Variants in TLL2 observed in about 807,000 individuals in gnomAD.
TLL2 encodes tolloid-like protein 2.
TLL2 carries 106 observed loss-of-function variants against 123.0 expected under a neutral mutation model. That is an observed-to-expected ratio of 0.86 (90% CI 0.74 to 1.01). The LOEUF (loss-of-function observed/expected upper bound fraction) is 1.01. TLL2 is among the 50% of genes least tolerant of loss of function. The pLI, the probability that TLL2 is intolerant of heterozygous loss-of-function variation, is 0.00. For missense variants in TLL2, 1,332 were observed against 1,336.7 expected (o/e 1.00, Z 0.06); for synonymous variants, 494 against 516.8 (o/e 0.96, Z 0.60).
rs983254557 is a variant in TLL2, at chr10:96,395,358, A to G, written c.1555T>C (p.Tyr519His). The G allele has an allele frequency of 1.9e-6, 3 of 1,608,306 alleles. No homozygotes were observed. The highest frequency in any genetic ancestry group is 1.1e-5 in the South Asian group (1 of 90,022). ...CCATCCCGGACTTCCAGGTAGTCATATGCACAGCTGTCGTGCCTTTCAATC... is the reference window on the plus strand; with the variant it reads ...CCATCCCGGACTTCCAGGTAGTCATGTGCACAGCTGTCGTGCCTTTCAATC... Reference protein sequence around the residue: ...FEIERHDSCAYDYLEVRDGPT... With the variant: ...FEIERHDSCAHDYLEVRDGPT... Residue 519 changes from tyrosine to histidine, a missense_variant, in exon 13 of 21, where the codon TAT (tyrosine) becomes CAT (histidine). Physicochemically the swap from Tyr to His is moderately conservative, Grantham distance 83. Coordinates refer to ENST00000357947, the MANE Select transcript of TLL2 (RefSeq NM_012465.4).
rs1212781733 is a variant in TLL2, at chr10:96,367,831, A to G, written c.*257T>C. The G allele has an allele frequency of 9.6e-6, 4 of 417,100 alleles. No homozygotes were observed. Among genetic ancestry groups the G allele is most frequent in the Non-Finnish European group, 1.7e-5 (4 of 228,678 alleles). 25.8% of individuals were successfully genotyped at this position (417,100 alleles called of 1,614,324 possible). On this transcript the variant is annotated 3_prime_UTR_variant, in exon 21 of 21. Coordinates refer to ENST00000357947, the MANE Select transcript of TLL2 (RefSeq NM_012465.4). ...ATAGCCGGAATGGTCAGTGACTTCA[A>G]TCCTAATCTTTAACACTTTAACAGT...
intron 2 of TLL2, among the ~76,000 whole-genome samples, chr10:96,474,150 C>T (rs989174067): frequency 6.6e-6 from 1 of 152,184 alleles, no homozygotes; most frequent in Non-Finnish European, 1.5e-5. Context: ...ATTCTTCTCA[C>T]TGCAAATAAA....
chr10:96,448,745 G>T (rs1028185702), intron 2 of TLL2, among the ~76,000 whole-genome samples: 3 of 152,132 alleles, frequency 2.0e-5, no homozygotes, highest in Non-Finnish European at 4.4e-5. Flanking sequence ...AAGTGCAAAG[G>T]CCCTGGGGTG....
chr10:96,377,589 C>G (rs369364059), intron 17 of TLL2, among the ~76,000 whole-genome samples: 9 of 152,148 alleles, frequency 5.9e-5, no homozygotes, highest in Non-Finnish European at 1.2e-4. Context: ...AGCTGGGACT[C>G]GAACTTGGCC....
chr10:96,411,744 C>T (rs1189211754), intron 8 of TLL2, among the ~76,000 whole-genome samples: 2 of 152,184 alleles, frequency 1.3e-5, no homozygotes, highest in Admixed American at 1.3e-4. Flanking sequence ...CTCTGCATGG[C>T]GACTGACTGA....
intron 2 of TLL2, among the ~76,000 whole-genome samples, chr10:96,446,470 C>T (rs957412134): frequency 6.6e-6 from 1 of 151,098 alleles, no homozygotes; most frequent in Non-Finnish European, 1.5e-5. Context: ...TACCAGGCAA[C>T]CCCAAAATCA....
intron 2 of TLL2, among the ~76,000 whole-genome samples, chr10:96,448,973 C>T (rs185898661): frequency 2.6e-5 from 4 of 152,238 alleles, no homozygotes; most frequent in Admixed American, 2.0e-4. Context: ...TTGTATATGA[C>T]AGGGATAATA....
Position 96,428,616 on chromosome 10 carries a change from C to A in TLL2, c.638+15G>T. On this transcript the variant is annotated intron_variant, in intron 5 of 20. Coordinates refer to ENST00000357947, the MANE Select transcript of TLL2 (RefSeq NM_012465.4). The stretch of plus-strand genomic sequence containing the variant: ...GACTGATTCTGCAGAGGTGGCCTCG[C>A]TTTCGTTTACTTACCCACAGGTTCT... 6.3e-7 allele frequency: 1 copy of A among 1,581,726 alleles called. No individual in the cohort carries two copies. Among genetic ancestry groups the A allele is most frequent in the Non-Finnish European group, 8.7e-7 (1 of 1,152,000 alleles).
At chr10:96,508,999 C>T (rs1189596467) in intron 1 of TLL2, among the ~76,000 whole-genome samples, 1 of 152,094 alleles carries the variant, frequency 6.6e-6, no homozygotes, top group African/African-American at 2.4e-5. Context: ...CACACAGTTT[C>T]CATTTGGTTC....
intron 16 of TLL2, among the ~76,000 whole-genome samples, chr10:96,380,895 T>C (rs1846180851): frequency 6.7e-6 from 1 of 150,274 alleles, no homozygotes; most frequent in South Asian, 2.1e-4. Context: ...GAGAATCGCT[T>C]GAAGCCAGGA....
At chr10:96,390,780 C>G (rs538486061) in intron 13 of TLL2, among the ~76,000 whole-genome samples, 5 of 152,180 alleles carry the variant, frequency 3.3e-5, no homozygotes, top group African/African-American at 1.2e-4. Flanking sequence ...TCCTGACCTG[C>G]GCTGTCTGAT....
At chr10:96,411,004 G>A (rs1846499082) in intron 8 of TLL2, among the ~76,000 whole-genome samples, 1 of 152,122 alleles carries the variant, frequency 6.6e-6, no homozygotes, top group Non-Finnish European at 1.5e-5. Context: ...CACTTTGGGA[G>A]GCCAAGGCGG....
At chr10:96,503,398 T>C (rs1435428928) in intron 1 of TLL2, among the ~76,000 whole-genome samples, 1 of 152,234 alleles carries the variant, frequency 6.6e-6, no homozygotes, top group Non-Finnish European at 1.5e-5. Flanking sequence ...TTCAATATCG[T>C]TATTTTCCAA....
chr10:96,403,738 T>C (rs1026813856), intron 10 of TLL2, among the ~76,000 whole-genome samples: 9 of 151,394 alleles, frequency 5.9e-5, no homozygotes, highest in African/African-American at 9.7e-5. Flanking sequence ...CCTCTTGCAG[T>C]TGAGATAGAG....
chr10:96,397,853 C>T (rs1391354050), intron 10 of TLL2, among the ~76,000 whole-genome samples: 1 of 152,114 alleles, frequency 6.6e-6, no homozygotes, highest in African/African-American at 2.4e-5. Context: ...AGGAGGGTTC[C>T]TAGGATGGAG....
At chr10:96,384,916 T>C (rs1235518942) in intron 15 of TLL2, 149 bp from the exon 16 acceptor site, 1 of 760,722 alleles carries the variant, frequency 1.3e-6, no homozygotes, top group Non-Finnish European at 1.9e-6. Flanking sequence ...GTTATTTGAA[T>C]GAGCTCCAGA....
intron 2 of TLL2, among the ~76,000 whole-genome samples, chr10:96,459,729 TATAG>T (rs1222604293): frequency 3.8e-5 from 3 of 78,738 alleles, no homozygotes; most frequent in African/African-American, 1.3e-4. Flanking sequence ...TATATATATA[TATAG>T]CAGCTAAAAT....
chr10:96,446,725 C>T (rs1169134087), intron 2 of TLL2, among the ~76,000 whole-genome samples: 1 of 152,212 alleles, frequency 6.6e-6, no homozygotes, highest in African/African-American at 2.4e-5. Context: ...TCCATAGACA[C>T]TCTGTTTACG....
At chr10:96,395,518 C>T in intron 12 of TLL2, 136 bp from the exon 13 acceptor site, 1 of 831,184 alleles carries the variant, frequency 1.2e-6, no homozygotes, top group Non-Finnish European at 1.8e-6. Context: ...CAGGTCTCTC[C>T]ATGCTGCTTC....
Sources: gnomAD v4.1 joint callset for allele counts (sites outside exome capture counted in the v4.1 genomes callset) on GRCh38, gnomAD v4.1.1 for gene constraint, MANE v1.5 for transcripts, NCBI Gene and HGNC (gene_info 2026-07-23, HGNC 2026-07-21) for gene names.